Variants in EPB41L4A observed in about 807,000 individuals in gnomAD.
EPB41L4A encodes the protein erythrocyte membrane protein band 4.1 like 4A.
EPB41L4A carries 100 observed loss-of-function variants against 108.6 expected under a neutral mutation model. That is an observed-to-expected ratio of 0.92 (90% CI 0.78 to 1.09). EPB41L4A has a LOEUF of 1.09. Ranked by LOEUF, EPB41L4A falls within the 50% of genes least tolerant of loss-of-function variation. The probability of loss-of-function intolerance (pLI) is 0.00; values close to 1 mark genes in which losing one functional copy is unlikely to be tolerated. For synonymous variants in EPB41L4A, 319 were observed against 289.0 expected, an observed-to-expected ratio of 1.10 and a Z score of -1.05; for missense variants, 1,030 against 842.7, an observed-to-expected ratio of 1.22 and a Z score of -2.75.
chr5:112,259,355 G>C lies in EPB41L4A; in HGVS notation c.732-63C>G, dbSNP rs116133777. 1,033 of 1,378,886 alleles carry C rather than the reference G, an allele frequency of 7.5e-4. 2 individuals are homozygous for C. Among genetic ancestry groups the C allele is most frequent in the Non-Finnish European group, 9.3e-4 (903 of 967,024 alleles). The allele number at this position is 1,378,886 out of a possible 1,614,324, so 85.4% of individuals were successfully genotyped here. A position where few individuals can be genotyped will look rare whatever the true frequency, so the allele number is the denominator to read the frequency against. On this transcript the variant is annotated intron_variant, in intron 8 of 22. Coordinates refer to ENST00000261486, the MANE Select transcript of EPB41L4A (RefSeq NM_022140.5). ...AGTATTAACCTTTCAGAAAATCAGG[G>C]AAGTATCCAGTGGAAAAAGACTGGT...
At chr5:112,374,593 G>A (rs1759693013) in intron 1 of EPB41L4A, among the ~76,000 whole-genome samples, 1 of 152,112 alleles carries the variant, frequency 6.6e-6, no homozygotes, top group Non-Finnish European at 1.5e-5. Flanking sequence ...CAGTTCCAAA[G>A]TTACCCCAGC....
intron 1 of EPB41L4A, among the ~76,000 whole-genome samples, chr5:112,386,764 A>G (rs1389969323): frequency 2.6e-5 from 4 of 152,236 alleles, no homozygotes; most frequent in Non-Finnish European, 4.4e-5. Flanking sequence ...TAGAGTAAAG[A>G]AAGATACTAT....
rs923342781 is a variant in EPB41L4A, at chr5:112,221,868, T to C, written c.1088-11886A>G. 3.1e-4 allele frequency among the ~76,000 whole-genome samples: 47 copies of C among 152,216 alleles called. 1 individual carries two copies. The highest frequency in any genetic ancestry group is 9.6e-4 in the African/African-American group (40 of 41,452). On this transcript the variant is annotated intron_variant, in intron 12 of 22. Coordinates refer to ENST00000261486, the MANE Select transcript of EPB41L4A (RefSeq NM_022140.5). The stretch of plus-strand genomic sequence containing the variant: ...GAATGCTAAACACTCCCAAGAAGAC[T>C]GAAAACATTAACTTTTTAGAGAAAA...
chr5:112,330,538 T>C (rs1259530675), intron 1 of EPB41L4A, among the ~76,000 whole-genome samples: 4 of 152,092 alleles, frequency 2.6e-5, no homozygotes, highest in East Asian at 1.9e-4. Flanking sequence ...GTAGCAGCCA[T>C]TGTTCCAAGT....
rs560521083 is a variant in EPB41L4A, at chr5:112,396,430, T to G, written c.99+22511A>C. ...TATCAGACACTGGAGGACAACTACA[T>G]GGCACTACTGCTGTATAACAAATTA... On this transcript the variant is annotated intron_variant, in intron 1 of 22. Transcript: ENST00000261486. Among the ~76,000 whole-genome samples the G allele has an allele frequency of 7.6e-3, 1,162 of 152,314 alleles. 22 individuals carry two copies. Among genetic ancestry groups the G allele is most frequent in the East Asian group, 0.036 (189 of 5,188 alleles).
chr5:112,208,349 G>A (rs963187741), intron 13 of EPB41L4A, among the ~76,000 whole-genome samples: 10 of 151,816 alleles, frequency 6.6e-5, no homozygotes, highest in African/African-American at 2.4e-4. Flanking sequence ...ACAGTGGACT[G>A]GATAAAGCAA....
chr5:112,416,486 G>A (rs1424393380), intron 1 of EPB41L4A, among the ~76,000 whole-genome samples: 3 of 152,052 alleles, frequency 2.0e-5, no homozygotes, highest in Non-Finnish European at 4.4e-5. Context: ...TAAATGTTAG[G>A]AAATGCTTTT....
intron 4 of EPB41L4A, among the ~76,000 whole-genome samples, chr5:112,274,933 C>T (rs1476743805): frequency 6.6e-6 from 1 of 152,100 alleles, no homozygotes; most frequent in East Asian, 1.9e-4. Context: ...TAAGCTACAA[C>T]CAATTAAAAA....
At chr5:112,179,886 T>C (rs1761057859) in intron 18 of EPB41L4A, among the ~76,000 whole-genome samples, 1 of 152,098 alleles carries the variant, frequency 6.6e-6, no homozygotes, top group Admixed American at 6.5e-5. Context: ...TTCACAAATA[T>C]GATTGTAACC....
At chr5:112,295,095 C>T (rs938990746) in intron 2 of EPB41L4A, among the ~76,000 whole-genome samples, 13 of 152,208 alleles carry the variant, frequency 8.5e-5, no homozygotes, top group Non-Finnish European at 1.3e-4. Flanking sequence ...GACCACAAGT[C>T]CTGTTTACAC....
At chr5:112,280,732 T>A (rs573955918) in intron 2 of EPB41L4A, among the ~76,000 whole-genome samples, 1 of 152,340 alleles carries the variant, frequency 6.6e-6, no homozygotes, top group African/African-American at 2.4e-5. Flanking sequence ...GGTTGAATTA[T>A]CATACTGATT....
chr5:112,371,342 T>C (rs1193380672), intron 1 of EPB41L4A, among the ~76,000 whole-genome samples: 1 of 152,180 alleles, frequency 6.6e-6, no homozygotes, highest in Non-Finnish European at 1.5e-5. Context: ...AAATGAGTGT[T>C]CTCCAAGACA....
chr5:112,172,511 CAAAA>C (rs144426305), intron 18 of EPB41L4A, among the ~76,000 whole-genome samples: 2 of 99,506 alleles, frequency 2.0e-5, no homozygotes, highest in Non-Finnish European at 2.3e-5. Flanking sequence ...GACCCTGTGC[CAAAA>C]AAAAAAAAAA....
chr5:112,307,476 A>G lies in EPB41L4A; in HGVS notation c.114T>C (p.Gly38=). ...GGAATACGTGGTCAAGGACAACGGA[A>G]CCTTTCGTTGACTTCTGCAAAAATA... is the stretch of plus-strand genomic sequence containing the variant. The part of the protein sequence containing the change: ...QQQGIKKSTK[G]SVVLDHVFHH... Residue 38 remains glycine (G), a synonymous_variant, in exon 2 of 23, where the codon GGT becomes GGC. Coordinates refer to ENST00000261486, the MANE Select transcript of EPB41L4A (RefSeq NM_022140.5). 2 of 1,612,652 alleles carry G rather than the reference A, an allele frequency of 1.2e-6. No homozygotes were observed. The highest frequency in any genetic ancestry group is 2.2e-5 in the East Asian group (1 of 44,858).
chr5:112,385,134 C>CTACA (rs969589861), intron 1 of EPB41L4A, among the ~76,000 whole-genome samples: 1 of 152,166 alleles, frequency 6.6e-6, no homozygotes, highest in African/African-American at 2.4e-5. Context: ...CCTCCTCAGC[C>CTACA]TACAGCCTGA....
intron 5 of EPB41L4A, among the ~76,000 whole-genome samples, chr5:112,265,287 C>T (rs548015228): frequency 3.5e-4 from 54 of 152,206 alleles, no homozygotes; most frequent in South Asian, 1.2e-3. Flanking sequence ...CTCTTAACAA[C>T]GTATGTGAAG....
rs1005045029 is a variant in EPB41L4A at position 112,322,676 on chromosome 5, C to T, written c.100-15186G>A. 5.3e-5 allele frequency among the ~76,000 whole-genome samples: 8 copies of T among 151,422 alleles called. No individual in the cohort carries two copies. In the East Asian group the frequency reaches 5.9e-4, roughly 11 times the overall value. ...CCTCAGCTGATGGGTCCCAGTTTGA[C>T]GGCTTATAGCCATCCACTATGAGAC... On this transcript the variant is annotated intron_variant, in intron 1 of 22. Coordinates refer to ENST00000261486, the MANE Select transcript of EPB41L4A (RefSeq NM_022140.5).
intron 12 of EPB41L4A, among the ~76,000 whole-genome samples, chr5:112,150,034 G>A (rs896256919): frequency 6.6e-6 from 1 of 152,198 alleles, no homozygotes; most frequent in Non-Finnish European, 1.5e-5. Flanking sequence ...AGAAACAGTA[G>A]GGATGATTAG....
intron 9 of EPB41L4A, among the ~76,000 whole-genome samples, chr5:112,244,632 C>T (rs895565064): frequency 6.6e-6 from 1 of 152,146 alleles, no homozygotes; most frequent in African/African-American, 2.4e-5. Flanking sequence ...GCGGGGAAGG[C>T]TGGTCACCCT....
Sources: allele counts gnomAD v4.1 joint callset (sites outside exome capture counted in the v4.1 genomes callset), GRCh38; gene constraint gnomAD v4.1.1; transcripts MANE v1.5; gene names NCBI Gene and HGNC (gene_info 2026-07-23, HGNC 2026-07-21).